The following GDF7 variants were observed in gnomAD, a reference collection of about 807,000 sequenced individuals.
The protein encoded by GDF7 is growth/differentiation factor 7.
In GDF7, 12 loss-of-function variants were observed where a neutral mutation model predicts 13.4. The ratio of observed to expected loss-of-function variants is 0.90; its 90% CI spans 0.57 to 1.45. The LOEUF is 1.45. Ranked by LOEUF, GDF7 falls within the 40% of genes most tolerant of loss-of-function variation. GDF7 has a pLI of 0.00. For synonymous variants in GDF7, 330 were observed against 306.4 expected, an observed-to-expected ratio of 1.08 and a Z score of -0.80; for missense variants, 651 against 652.4, an observed-to-expected ratio of 1.00 and a Z score of 0.02.
At position 20,673,751 on chromosome 2, in the gene GDF7, G is replaced by A. The variant is rs1662172160; in HGVS notation, c.*2326G>A. 1 of 152,236 alleles carries A rather than the reference G, an allele frequency of 6.6e-6. No homozygotes were observed. The highest frequency in any genetic ancestry group is 2.1e-4 in the South Asian group (1 of 4,832). 9.4% of individuals were successfully genotyped at this position (152,236 alleles called of 1,614,324 possible). On this transcript the variant is annotated 3_prime_UTR_variant, in exon 2 of 2. Coordinates refer to ENST00000272224, the MANE Select transcript of GDF7 (RefSeq NM_182828.4). ...TCTGATGACCTCCTTCTAACGAGAT[G>A]TGTTGTGAGTGGTGTGGGAAGTAGG...
intron 1 of GDF7, 60 bp from the exon 2 acceptor site, chr2:20,670,404 C>G (rs764809083): frequency 6.9e-7 from 1 of 1,440,998 alleles, no homozygotes; most frequent in Non-Finnish European, 9.1e-7. Context: ...CCCGCGCTGA[C>G]AGTGTGCAGG....
In GDF7 at chr2:20,677,871, G is replaced by A. The variant is rs571933481; in HGVS notation, c.*6446G>A. The stretch of plus-strand genomic sequence containing the variant: ...GAAAAGCAGTGACCAGGTGTGTTGA[G>A]GGCCTCCCCTTGCCTGCACCTTTTT... On this transcript the variant is annotated 3_prime_UTR_variant, in exon 2 of 2. Transcript: ENST00000272224. 1 of 152,586 alleles carries A rather than the reference G, an allele frequency of 6.6e-6. No individual in the cohort carries two copies. The highest frequency in any genetic ancestry group is 1.9e-4 in the East Asian group (1 of 5,196). 9.5% of individuals were successfully genotyped at this position (152,586 alleles called of 1,614,324 possible). A position where few individuals can be genotyped will look rare whatever the true frequency, so the allele number is the denominator to read the frequency against.
chr2:20,668,643 C>T (rs1000283478), intron 1 of GDF7, among the ~76,000 whole-genome samples: 1 of 152,218 alleles, frequency 6.6e-6, no homozygotes, highest in African/African-American at 2.4e-5. Flanking sequence ...TTGGGAGCCA[C>T]TGACAGTCAG....
Position 20,678,997 on chromosome 2 carries a change from G to C in GDF7, c.*7572G>C, listed in dbSNP as rs1026247838. On this transcript the variant is annotated 3_prime_UTR_variant, in exon 2 of 2. Coordinates refer to ENST00000272224, the MANE Select transcript of GDF7 (RefSeq NM_182828.4). The stretch of plus-strand genomic sequence containing the variant: ...TGGGCAATGCAAGCTGACATTGTGA[G>C]GTGTTGCCGATGCCCAGGCCAGCTA... 6.6e-6 allele frequency: 1 copy of C among 152,218 alleles called. No individual in the cohort carries two copies. Among genetic ancestry groups the C allele is most frequent in the Non-Finnish European group, 1.5e-5 (1 of 68,032 alleles). The allele number at this position is 152,218 out of a possible 1,614,324, so 9.4% of individuals were successfully genotyped here.
At position 20,674,105 on chromosome 2, in the gene GDF7, T is replaced by C. The variant is rs1260691081; in HGVS notation, c.*2680T>C. On this transcript the variant is annotated 3_prime_UTR_variant, in exon 2 of 2. Coordinates refer to ENST00000272224, the MANE Select transcript of GDF7 (RefSeq NM_182828.4). ...ATTGCCAAGGTGTGGAGAAAAGCGT[T>C]CTGCCAGCACAGTTGGTAGTAGCAC... 6.6e-6 allele frequency: 1 copy of C among 152,230 alleles called. No homozygotes were observed. The highest frequency in any genetic ancestry group is 1.5e-5 in the Non-Finnish European group (1 of 68,054). 9.4% of individuals were successfully genotyped at this position (152,230 alleles called of 1,614,324 possible). A position where few individuals can be genotyped will look rare whatever the true frequency, so the allele number is the denominator to read the frequency against.
Position 20,677,999 on chromosome 2 carries a change from G to A in GDF7, c.*6574G>A, listed in dbSNP as rs1662262355. On this transcript the variant is annotated 3_prime_UTR_variant, in exon 2 of 2. Coordinates refer to ENST00000272224, the MANE Select transcript of GDF7 (RefSeq NM_182828.4). ...CAGCAGCAGCAGCTGGGCTTGGGGT[G>A]AGTAGGCTGGCTTGAGGAAGGGGCT... The A allele has an allele frequency of 6.5e-6, 1 of 153,696 alleles. No individual in the cohort carries two copies. The highest frequency in any genetic ancestry group is 1.4e-5 in the Non-Finnish European group (1 of 69,246). 9.5% of individuals were successfully genotyped at this position (153,696 alleles called of 1,614,324 possible). A position where few individuals can be genotyped will look rare whatever the true frequency, so the allele number is the denominator to read the frequency against.
Position 20,670,721 on chromosome 2 carries a change from A to T in GDF7, c.649A>T (p.Met217Leu). 1 of 1,479,890 alleles carries T rather than the reference A, an allele frequency of 6.8e-7. No homozygotes were observed. The highest frequency in any genetic ancestry group is 8.9e-7 in the Non-Finnish European group (1 of 1,121,000). The allele number at this position is 1,479,890 out of a possible 1,614,324, so 91.7% of individuals were successfully genotyped here. The change falls in exon 2 of 2, where the codon ATG becomes TTG. Residue 217 changes from methionine (M) to leucine (L), a missense_variant. Met to Leu is a conservative substitution (Grantham distance 15). Coordinates refer to ENST00000272224, the MANE Select transcript of GDF7 (RefSeq NM_182828.4). ...RWEAFDVADA[M>L]RRHRREPRPP... ...GGAGGCGTTCGACGTGGCGGACGCC[A>T]TGAGGCGCCACCGTCGTGAACCGCG...
At position 20,672,124 on chromosome 2, in the gene GDF7, C is replaced by G. The variant is rs58159050; in HGVS notation, c.*699C>G. Reference sequence around the variant, plus strand: ...GTACCGCCACCCCCCCCCCCCCCCCCGCCTTTTTTTTTTTTTTTTTTAATC... The same window carrying G: ...GTACCGCCACCCCCCCCCCCCCCCCGGCCTTTTTTTTTTTTTTTTTTAATC... On this transcript the variant is annotated 3_prime_UTR_variant, in exon 2 of 2. Coordinates refer to ENST00000272224, the MANE Select transcript of GDF7 (RefSeq NM_182828.4). The G allele has an allele frequency of 2.5e-5, 1 of 39,832 alleles. No individual in the cohort carries two copies. Among genetic ancestry groups the G allele is most frequent in the African/African-American group, 1.3e-4 (1 of 7,414 alleles). The allele number at this position is 39,832 out of a possible 1,614,324, so 2.5% of individuals were successfully genotyped here.
At position 20,673,320 on chromosome 2, in the gene GDF7, C is replaced by T. The variant is rs1240618605; in HGVS notation, c.*1895C>T. Reference sequence around the variant, plus strand: ...TATAAATAACCAGAACATGAACAGTCTCTTCAGGTTAAAAATTTTAAAAAT... The same window carrying T: ...TATAAATAACCAGAACATGAACAGTTTCTTCAGGTTAAAAATTTTAAAAAT... On this transcript the variant is annotated 3_prime_UTR_variant, in exon 2 of 2. Coordinates refer to ENST00000272224, the MANE Select transcript of GDF7 (RefSeq NM_182828.4). 1 of 152,166 alleles carries T rather than the reference C, an allele frequency of 6.6e-6. No homozygotes were observed. Among genetic ancestry groups the T allele is most frequent in the African/African-American group, 2.4e-5 (1 of 41,428 alleles). The allele number at this position is 152,166 out of a possible 1,614,324, so 9.4% of individuals were successfully genotyped here.
rs973066268 is a variant in GDF7, at chr2:20,671,508, G to A, written c.*83G>A. 3 of 1,443,114 alleles carry A rather than the reference G, an allele frequency of 2.1e-6. No homozygotes were observed. The highest frequency in any genetic ancestry group is 2.8e-6 in the Non-Finnish European group (3 of 1,063,142). 89.4% of individuals were successfully genotyped at this position (1,443,114 alleles called of 1,614,324 possible). ...AGCGGGCCACCCTGTCACCGAGCGT[G>A]GGTGCATGTCCGATGTGACCCAGCA... On this transcript the variant is annotated 3_prime_UTR_variant, in exon 2 of 2. Coordinates refer to ENST00000272224, the MANE Select transcript of GDF7 (RefSeq NM_182828.4).
chr2:20,667,438 G>T lies in GDF7; in HGVS notation c.199G>T (p.Val67Phe). The T allele has an allele frequency of 1.9e-6, 2 of 1,080,224 alleles. No individual in the cohort carries two copies. Among genetic ancestry groups the T allele is most frequent in the Non-Finnish European group, 2.2e-6 (2 of 888,962 alleles). 66.9% of individuals were successfully genotyped at this position (1,080,224 alleles called of 1,614,324 possible). A position where few individuals can be genotyped will look rare whatever the true frequency, so the allele number is the denominator to read the frequency against. The change falls in exon 1 of 2, where the codon GTT becomes TTT. Residue 67 changes from valine (V) to phenylalanine (F), a missense_variant. Physicochemically the swap from Val to Phe is conservative, Grantham distance 50. Coordinates refer to ENST00000272224, the MANE Select transcript of GDF7 (RefSeq NM_182828.4). The surrounding 1 kb of genome is among the most constrained non-coding windows in gnomAD (Gnocchi z 6.4). ...AGAAAVPAAA[V>F]PRARAARRAA... Reference sequence around the variant, plus strand: ...CGCCGCGGCTGTCCCGGCCGCCGCGGTTCCCCGGGCCCGCGCCGCGCGCCG... The same window carrying T: ...CGCCGCGGCTGTCCCGGCCGCCGCGTTTCCCCGGGCCCGCGCCGCGCGCCG...
Position 20,670,752 on chromosome 2 carries a change from C to T in GDF7, c.680C>T (p.Pro227Leu), listed in dbSNP as rs759625476. Reference protein sequence around the residue: ...MRRHRREPRPPRAFCLLLRAV... With the variant: ...MRRHRREPRPLRAFCLLLRAV... The stretch of plus-strand genomic sequence containing the variant: ...CGCCACCGTCGTGAACCGCGCCCCC[C>T]CCGCGCGTTCTGCCTCTTGCTGCGC... Residue 227 changes from proline (P) to leucine (L), a missense_variant, in exon 2 of 2, where the codon CCC (proline) becomes CTC (leucine). Transcript: ENST00000272224. 7 of 1,485,198 alleles carry T rather than the reference C, an allele frequency of 4.7e-6. No individual in the cohort carries two copies. Among genetic ancestry groups the T allele is most frequent in the Non-Finnish European group, 4.4e-6 (5 of 1,123,628 alleles). The allele number at this position is 1,485,198 out of a possible 1,614,324, so 92.0% of individuals were successfully genotyped here. A position where few individuals can be genotyped will look rare whatever the true frequency, so the allele number is the denominator to read the frequency against.
rs1662181994 is a variant in GDF7, at chr2:20,674,211, G to A, written c.*2786G>A. 6.6e-6 allele frequency: 1 copy of A among 152,338 alleles called. No homozygotes were observed. Among genetic ancestry groups the A allele is most frequent in the South Asian group, 2.1e-4 (1 of 4,832 alleles). The allele number at this position is 152,338 out of a possible 1,614,324, so 9.4% of individuals were successfully genotyped here. A position where few individuals can be genotyped will look rare whatever the true frequency, so the allele number is the denominator to read the frequency against. ...CCCAGCTTCTCTGTTGCAACCCCCA[G>A]CTGGAATCTCCAGTCACCATGGATG... On this transcript the variant is annotated 3_prime_UTR_variant, in exon 2 of 2. Coordinates refer to ENST00000272224, the MANE Select transcript of GDF7 (RefSeq NM_182828.4).
At position 20,671,450 on chromosome 2, in the gene GDF7, C is replaced by T. The variant is rs1340542280; in HGVS notation, c.*25C>T. ...GCGCGAGGGCCGGGGAGGGGGCAGC[C>T]ACGCGGCCGAGGATCCCCAGCTGAT... is the stretch of plus-strand genomic sequence containing the variant. On this transcript the variant is annotated 3_prime_UTR_variant, in exon 2 of 2. Transcript: ENST00000272224. The T allele has an allele frequency of 6.3e-7, 1 of 1,599,246 alleles. No homozygotes were observed. The highest frequency in any genetic ancestry group is 8.5e-7 in the Non-Finnish European group (1 of 1,172,766).
In GDF7 at chr2:20,679,116, A is replaced by G. The variant is rs1662281763; in HGVS notation, c.*7691A>G. The G allele has an allele frequency of 6.6e-6, 1 of 152,374 alleles. No homozygotes were observed. The highest frequency in any genetic ancestry group is 1.9e-4 in the East Asian group (1 of 5,192). The allele number at this position is 152,374 out of a possible 1,614,324, so 9.4% of individuals were successfully genotyped here. A position where few individuals can be genotyped will look rare whatever the true frequency, so the allele number is the denominator to read the frequency against. On this transcript the variant is annotated 3_prime_UTR_variant, in exon 2 of 2. Coordinates refer to ENST00000272224, the MANE Select transcript of GDF7 (RefSeq NM_182828.4). ...CATAGTGAAATGTAAATGACATGTA[A>G]AACAGCAATCTCTATTTTTCTTAAC...
In GDF7 at chr2:20,667,353, G is replaced by A. The variant is rs1220852112; in HGVS notation, c.114G>A (p.Arg38=). The part of the protein sequence containing the change: ...VLRAAGAGPV[R]SPGGGGGGGG... ...GAGCGGCGGGGGCTGGGCCGGTCCG[G>A]AGCCCAGGGGGCGGCGGCGGCGGCG... The change falls in exon 1 of 2, where the codon CGG becomes CGA. Residue 38 remains arginine, a synonymous_variant. Transcript: ENST00000272224. The surrounding 1 kb of genome is among the most constrained non-coding windows in gnomAD (Gnocchi z 6.4). The A allele has an allele frequency of 1.7e-5, 14 of 844,422 alleles. No individual in the cohort carries two copies. The African/African-American group carries it at 3.2e-4, about 19-fold the overall frequency. The allele number at this position is 844,422 out of a possible 1,614,324, so 52.3% of individuals were successfully genotyped here. A position where few individuals can be genotyped will look rare whatever the true frequency, so the allele number is the denominator to read the frequency against.
chr2:20,671,109 G>A lies in GDF7; in HGVS notation c.1037G>A (p.Arg346Gln), dbSNP rs1374121303. The A allele has an allele frequency of 3.8e-6, 6 of 1,597,566 alleles. No individual in the cohort carries two copies. Among genetic ancestry groups the A allele is most frequent in the Admixed American group, 1.7e-5 (1 of 58,430 alleles). ...GAGRGHGRRG[R>Q]SRCSRKPLHV... ...GGCCGGGGCCACGGGCGCAGGGGCC[G>A]GAGCCGCTGCAGCCGCAAGCCGTTG... The change falls in exon 2 of 2, where the codon CGG becomes CAG. Residue 346 changes from arginine to glutamine, a missense_variant. By Grantham distance (43) the Arg-to-Gln change is conservative (BLOSUM62 1). This residue lies in a region of GDF7 where 487 missense variants were observed against 445.9 expected (regional missense o/e 1.09). Transcript: ENST00000272224.
At position 20,677,431 on chromosome 2, in the gene GDF7, G is replaced by C. The variant is rs934471642; in HGVS notation, c.*6006G>C. The C allele has an allele frequency of 6.6e-6, 1 of 152,262 alleles. No individual in the cohort carries two copies. Among genetic ancestry groups the C allele is most frequent in the Admixed American group, 6.5e-5 (1 of 15,276 alleles). The allele number at this position is 152,262 out of a possible 1,614,324, so 9.4% of individuals were successfully genotyped here. ...GGAGTGCTACGTAGTGGGGGCTGGA[G>C]ATTTGTCCAGGCAGGAGGTGGGCAA... On this transcript the variant is annotated 3_prime_UTR_variant, in exon 2 of 2. Coordinates refer to ENST00000272224, the MANE Select transcript of GDF7 (RefSeq NM_182828.4).
chr2:20,674,952 T>C lies in GDF7; in HGVS notation c.*3527T>C, dbSNP rs969122377. On this transcript the variant is annotated 3_prime_UTR_variant, in exon 2 of 2. Coordinates refer to ENST00000272224, the MANE Select transcript of GDF7 (RefSeq NM_182828.4). Reference sequence around the variant, plus strand: ...ATGCTGTTGGCAATTTCATTTAAACTCACAGCAGAAAACAACCAGGATTTG... The same window carrying C: ...ATGCTGTTGGCAATTTCATTTAAACCCACAGCAGAAAACAACCAGGATTTG... The C allele has an allele frequency of 6.6e-6, 1 of 152,250 alleles. No homozygotes were observed. Among genetic ancestry groups the C allele is most frequent in the African/African-American group, 2.4e-5 (1 of 41,462 alleles). The allele number at this position is 152,250 out of a possible 1,614,324, so 9.4% of individuals were successfully genotyped here.
Sources: allele counts gnomAD v4.1 joint callset (sites outside exome capture counted in the v4.1 genomes callset), GRCh38; gene constraint gnomAD v4.1.1; regional missense constraint gnomAD v4.1.1; non-coding constraint Gnocchi (gnomAD v3.1); transcripts MANE v1.5; gene names NCBI Gene and HGNC (gene_info 2026-07-23, HGNC 2026-07-21).